Variants in AAK1 observed in about 807,000 individuals in gnomAD.
The protein encoded by AAK1 is AP2 associated kinase 1.
A neutral mutation model predicts 116.0 loss-of-function variants in AAK1; 37 were observed. That is an observed-to-expected ratio of 0.32 (90% CI 0.25 to 0.42). AAK1 has a LOEUF of 0.42. Ranked by LOEUF, AAK1 falls within the 10% of genes least tolerant of loss-of-function variation. The pLI, the probability that AAK1 is intolerant of heterozygous loss-of-function variation, is 1.00. For missense variants in AAK1, 919 were observed against 1,170.6 expected (o/e 0.79, Z 3.14); for synonymous variants, 458 against 439.9 (o/e 1.04, Z -0.51).
At chr2:69,634,891 C>T (rs1675379988) in intron 2 of AAK1, among the ~76,000 whole-genome samples, 1 of 152,050 alleles carries the variant, frequency 6.6e-6, no homozygotes, top group South Asian at 2.1e-4. Context: ...GGTACAGAAC[C>T]ACTGCTCTAG....
intron 9 of AAK1, among the ~76,000 whole-genome samples, chr2:69,526,366 G>T (rs1670025578): frequency 6.6e-6 from 1 of 152,148 alleles, no homozygotes; most frequent in African/African-American, 2.4e-5. Flanking sequence ...GAAATCAAAA[G>T]TTCATTATTG....
intron 5 of AAK1, among the ~76,000 whole-genome samples, chr2:69,536,452 A>G (rs1670476296): frequency 6.6e-6 from 1 of 152,176 alleles, no homozygotes; most frequent in Admixed American, 6.5e-5. Flanking sequence ...GGAAGTAAGC[A>G]GGTGTGAATA....
intron 16 of AAK1, among the ~76,000 whole-genome samples, chr2:69,503,261 A>T (rs1272209068): frequency 6.6e-6 from 1 of 152,222 alleles, no homozygotes; most frequent in Non-Finnish European, 1.5e-5. Context: ...GGTTAGAAAA[A>T]CTACTAACAT....
intron 5 of AAK1, 112 bp from the exon 6 acceptor site, chr2:69,532,274 G>A (rs1670290829): frequency 7.5e-7 from 1 of 1,332,342 alleles, no homozygotes; most frequent in South Asian, 1.3e-5. Context: ...TCTCATTAAT[G>A]TGCACAGGGA....
At chr2:69,591,538 T>TTTTG (rs1454696399) in intron 2 of AAK1, among the ~76,000 whole-genome samples, 1 of 148,068 alleles carries the variant, frequency 6.8e-6, no homozygotes, top group African/African-American at 2.5e-5. Flanking sequence ...TTTTTTTTTT[T>TTTTG]GAGAGGGAGT....
intron 12 of AAK1, chr2:69,517,186 A>G (rs1160561401): frequency 6.6e-6 from 1 of 152,240 alleles, no homozygotes; most frequent in Admixed American, 6.5e-5. Context: ...GAACAAATTT[A>G]TTACTCTGAA....
At chr2:69,521,320 C>G (rs184203114) in intron 10 of AAK1, among the ~76,000 whole-genome samples, 89 of 152,240 alleles carry the variant, frequency 5.8e-4, no homozygotes, top group Non-Finnish European at 1.2e-3. Context: ...CTTCTTGTGG[C>G]GCTTTTACCT....
intron 2 of AAK1, among the ~76,000 whole-genome samples, chr2:69,631,599 C>G (rs1216158850): frequency 1.3e-5 from 2 of 152,226 alleles, no homozygotes; most frequent in Non-Finnish European, 2.9e-5. Context: ...AATGAAACTT[C>G]AAATTTCAGG....
At chr2:69,606,038 C>G (rs1190335598) in intron 2 of AAK1, among the ~76,000 whole-genome samples, 5 of 152,192 alleles carry the variant, frequency 3.3e-5, no homozygotes, top group Admixed American at 3.3e-4. Context: ...TAGGAACATG[C>G]TTTGCACTTT....
chr2:69,515,411 G>T (rs180817839), intron 12 of AAK1, among the ~76,000 whole-genome samples: 44 of 152,176 alleles, frequency 2.9e-4, no homozygotes, highest in African/African-American at 1.1e-3. Flanking sequence ...CTGCACCCTT[G>T]ACCTCCTGGG....
rs4067981 is a variant in AAK1 at position 69,643,085 on chromosome 2, A to ATTTTTT, written c.-51_-46dup. ...AAAGCAAAATACCGATGGTTTCTAGATTTTTTTTTTTTTTTTTTTTTTTTA... is the reference window on the plus strand; with the variant it reads ...AAAGCAAAATACCGATGGTTTCTAGATTTTTTTTTTTTTTTTTTTTTTTTTTTTTTA... On this transcript the variant is annotated 5_prime_UTR_variant, in exon 2 of 22. Coordinates refer to ENST00000409085, the MANE Select transcript of AAK1 (RefSeq NM_014911.5). The ATTTTTT allele has an allele frequency of 4.6e-4, 577 of 1,264,556 alleles. 2 individuals are homozygous for ATTTTTT. The highest frequency in any genetic ancestry group is 7.1e-4 in the Admixed American group (18 of 25,422). 78.3% of individuals were successfully genotyped at this position (1,264,556 alleles called of 1,614,324 possible). A position where few individuals can be genotyped will look rare whatever the true frequency, so the allele number is the denominator to read the frequency against.
intron 12 of AAK1, among the ~76,000 whole-genome samples, chr2:69,516,441 T>C (rs1473991760): frequency 6.6e-6 from 1 of 152,106 alleles, no homozygotes; most frequent in Admixed American, 6.5e-5. Flanking sequence ...ATATATTTTC[T>C]AATTGTCCAC....
chr2:69,562,269 T>C (rs534267860), intron 2 of AAK1, among the ~76,000 whole-genome samples: 34 of 152,342 alleles, frequency 2.2e-4, no homozygotes, highest in African/African-American at 7.7e-4. Context: ...TTAGCTATTC[T>C]AGTGGGTGTG....
At position 69,471,716 on chromosome 2, in the gene AAK1, A is replaced by G. The variant is rs960209018; in HGVS notation, c.*4153T>C. On this transcript the variant is annotated 3_prime_UTR_variant, in exon 22 of 22. Transcript: ENST00000409085. Reference sequence around the variant, plus strand: ...CTTTATTTTGGCCCAAGGTATCTATAGCATGTATTTATTTAGCTGAGTGCA... The same window carrying G: ...CTTTATTTTGGCCCAAGGTATCTATGGCATGTATTTATTTAGCTGAGTGCA... 1 of 985,346 alleles carries G rather than the reference A, an allele frequency of 1.0e-6. No homozygotes were observed. The highest frequency in any genetic ancestry group is 1.2e-6 in the Non-Finnish European group (1 of 829,952). The allele number at this position is 985,346 out of a possible 1,614,324, so 61.0% of individuals were successfully genotyped here.
At chr2:69,476,342 C>T (rs577270104) in intron 21 of AAK1, among the ~76,000 whole-genome samples, 2 of 152,104 alleles carry the variant, frequency 1.3e-5, no homozygotes, top group African/African-American at 4.8e-5. Flanking sequence ...ATAATTTTTG[C>T]TTTGGGGAGA....
intron 4 of AAK1, among the ~76,000 whole-genome samples, chr2:69,542,989 G>C (rs557899119): frequency 6.6e-6 from 1 of 152,202 alleles, no homozygotes; most frequent in Admixed American, 6.5e-5. Context: ...TATTGTGTTC[G>C]TTGTGTATGA....
chr2:69,534,459 C>T (rs963903309), intron 5 of AAK1, among the ~76,000 whole-genome samples: 1 of 152,218 alleles, frequency 6.6e-6, no homozygotes, highest in African/African-American at 2.4e-5. Flanking sequence ...AATGCCCCCA[C>T]AATAGAAATC....
intron 19 of AAK1, among the ~76,000 whole-genome samples, 159 bp from the exon 20 acceptor site, chr2:69,479,220 T>C (rs374771764): frequency 6.0e-4 from 91 of 151,982 alleles, no homozygotes; most frequent in African/African-American, 2.1e-3. Context: ...GTGTGGAGCC[T>C]TCTGGATTTT....
intron 17 of AAK1, among the ~76,000 whole-genome samples, chr2:69,494,550 C>T (rs753260338): frequency 6.6e-6 from 1 of 152,156 alleles, no homozygotes; most frequent in Non-Finnish European, 1.5e-5. Context: ...GAGAATGCCT[C>T]CATCACCTCT....
Sources: gnomAD v4.1 joint callset for allele counts (sites outside exome capture counted in the v4.1 genomes callset) on GRCh38, gnomAD v4.1.1 for gene constraint, MANE v1.5 for transcripts, NCBI Gene and HGNC (gene_info 2026-07-23, HGNC 2026-07-21) for gene names.